GFOD2: variants seen among roughly 807,000 people sequenced by gnomAD.
GFOD2 encodes glucose-fructose oxidoreductase domain-containing protein 2.
A neutral mutation model predicts 24.6 loss-of-function variants in GFOD2; 9 were observed. That is an observed-to-expected ratio of 0.37 (90% CI 0.22 to 0.64). The LOEUF (loss-of-function observed/expected upper bound fraction) is 0.64. Ranked by LOEUF, GFOD2 falls within the 30% of genes least tolerant of loss-of-function variation. GFOD2 has a pLI of 0.65. For synonymous variants in GFOD2, 211 were observed against 224.8 expected (o/e 0.94, Z 0.55); for missense variants, 476 against 532.5 (o/e 0.89, Z 1.04).
chr16:67,674,935 T>A lies in GFOD2; in HGVS notation c.*220A>T. ...GAGGCCTGGCGGCAGCTCTGCCCTG[T>A]GCACACCGTGGTAACCTGGCAACAG... On this transcript the variant is annotated 3_prime_UTR_variant, in exon 3 of 3. Transcript: ENST00000268797. 1 of 585,996 alleles carries A rather than the reference T, an allele frequency of 1.7e-6. No homozygotes were observed. The highest frequency in any genetic ancestry group is 3.0e-6 in the Non-Finnish European group (1 of 331,460). The allele number at this position is 585,996 out of a possible 1,614,324, so 36.3% of individuals were successfully genotyped here.
At chr16:67,715,222 C>A (rs1302947025) in intron 1 of GFOD2, among the ~76,000 whole-genome samples, 1 of 152,156 alleles carries the variant, frequency 6.6e-6, no homozygotes. Flanking sequence ...TCACACCCAG[C>A]TAATTTTTTG....
chr16:67,718,424 T>A (rs1409889758), intron 1 of GFOD2, among the ~76,000 whole-genome samples: 1 of 152,234 alleles, frequency 6.6e-6, no homozygotes, highest in East Asian at 1.9e-4. Flanking sequence ...GTTCTTTAGA[T>A]CGTGCTGTAG....
intron 1 of GFOD2, among the ~76,000 whole-genome samples, chr16:67,709,747 T>C (rs368052242): frequency 2.0e-5 from 3 of 152,064 alleles, no homozygotes; most frequent in Non-Finnish European, 1.5e-5. Flanking sequence ...CCTGAGTAGC[T>C]AGGACCACAG....
chr16:67,718,108 C>T (rs1004870170), intron 1 of GFOD2, among the ~76,000 whole-genome samples: 5 of 152,190 alleles, frequency 3.3e-5, no homozygotes, highest in Non-Finnish European at 5.9e-5. Flanking sequence ...GCTTCCCCGA[C>T]TCAAAAACAA....
chr16:67,712,300 T>A (rs1162294445), intron 1 of GFOD2, among the ~76,000 whole-genome samples: 1 of 72,724 alleles, frequency 1.4e-5, no homozygotes, highest in South Asian at 6.2e-4. Flanking sequence ...CCCCTCCCCC[T>A]CTCCCTCTCC....
chr16:67,704,559 C>T (rs2053426858), intron 1 of GFOD2, among the ~76,000 whole-genome samples: 1 of 151,960 alleles, frequency 6.6e-6, no homozygotes, highest in Non-Finnish European at 1.5e-5. Flanking sequence ...ACAAAAAACC[C>T]CCACAGCTCA....
chr16:67,710,427 C>T (rs925750923), intron 1 of GFOD2, among the ~76,000 whole-genome samples: 20 of 152,068 alleles, frequency 1.3e-4, no homozygotes, highest in Non-Finnish European at 4.4e-5. Flanking sequence ...TGCAGTGGTG[C>T]GATCTCAGCT....
chr16:67,683,035 A>G (rs139162297), intron 2 of GFOD2: 1 of 286,228 alleles, frequency 3.5e-6, no homozygotes, highest in African/African-American at 2.3e-5. Flanking sequence ...ATCACTGCTC[A>G]CTGCAGCCTC....
intron 2 of GFOD2, chr16:67,680,986 T>C (rs2053221064): frequency 1.0e-6 from 1 of 985,354 alleles, no homozygotes; most frequent in African/African-American, 1.7e-5. Context: ...GCCAGGCCCT[T>C]GCACGGGGCC....
chr16:67,684,684 G>A (rs2053252842), intron 2 of GFOD2: 1 of 915,940 alleles, frequency 1.1e-6, no homozygotes, highest in Non-Finnish European at 1.3e-6. Context: ...CAACAAGAGG[G>A]AAACTCTGTC....
chr16:67,699,986 G>A (rs1300062824), intron 1 of GFOD2, among the ~76,000 whole-genome samples: 1 of 151,998 alleles, frequency 6.6e-6, no homozygotes, highest in African/African-American at 2.4e-5. Flanking sequence ...CAGGAGGGAG[G>A]AACACTTGAG....
At chr16:67,680,267 A>C (rs2053215339) in intron 2 of GFOD2, among the ~76,000 whole-genome samples, 1 of 152,212 alleles carries the variant, frequency 6.6e-6, no homozygotes, top group Non-Finnish European at 1.5e-5. Context: ...CAGGTGTGGC[A>C]GTGCACAGCT....
chr16:67,706,388 T>C (rs2053439572), intron 1 of GFOD2, among the ~76,000 whole-genome samples: 1 of 152,172 alleles, frequency 6.6e-6, no homozygotes, highest in Non-Finnish European at 1.5e-5. Flanking sequence ...TAATACTATC[T>C]TTACCCTGCA....
chr16:67,686,400 T>A (rs940603427), intron 1 of GFOD2, among the ~76,000 whole-genome samples: 2 of 152,252 alleles, frequency 1.3e-5, no homozygotes, highest in African/African-American at 4.8e-5. Flanking sequence ...AAATCTCTGT[T>A]CTGCTACTTA....
chr16:67,674,924 G>C lies in GFOD2; in HGVS notation c.*231C>G. 2 of 554,832 alleles carry C rather than the reference G, an allele frequency of 3.6e-6. No homozygotes were observed. The highest frequency in any genetic ancestry group is 6.4e-6 in the Non-Finnish European group (2 of 312,934). The allele number at this position is 554,832 out of a possible 1,614,324, so 34.4% of individuals were successfully genotyped here. A position where few individuals can be genotyped will look rare whatever the true frequency, so the allele number is the denominator to read the frequency against. On this transcript the variant is annotated 3_prime_UTR_variant, in exon 3 of 3. Coordinates refer to ENST00000268797, the MANE Select transcript of GFOD2 (RefSeq NM_030819.4). ...ATCACCATGAGGAGGCCTGGCGGCAGCTCTGCCCTGTGCACACCGTGGTAA... is the reference window on the plus strand; with the variant it reads ...ATCACCATGAGGAGGCCTGGCGGCACCTCTGCCCTGTGCACACCGTGGTAA...
Position 67,675,753 on chromosome 16 carries a change from G to A in GFOD2, c.560C>T (p.Thr187Ile), listed in dbSNP as rs2053180133. Residue 187 changes from threonine (T) to isoleucine (I), a missense_variant, in exon 3 of 3, where the codon ACC becomes ATC. Thr to Ile is a moderately conservative substitution (Grantham distance 89). Transcript: ENST00000268797. ...CTCGGCTCTCCGGCCGGTCAGGTGG[G>A]TCAGCAGGTCCACAATGTAGGTCCC... is the stretch of plus-strand genomic sequence containing the variant. The part of the protein sequence containing the change: ...TMGTYIVDLL[T>I]HLTGRRAEKV... 2 of 1,614,136 alleles carry A rather than the reference G, an allele frequency of 1.2e-6. No individual in the cohort carries two copies. Among genetic ancestry groups the A allele is most frequent in the Non-Finnish European group, 1.7e-6 (2 of 1,180,030 alleles).
At chr16:67,696,248 C>T (rs570283082) in intron 1 of GFOD2, among the ~76,000 whole-genome samples, 5 of 150,704 alleles carry the variant, frequency 3.3e-5, no homozygotes, top group African/African-American at 4.9e-5. Context: ...CTCTTGACCT[C>T]GTGATCTGCC....
chr16:67,708,956 G>A (rs2142997306), intron 1 of GFOD2, among the ~76,000 whole-genome samples: 1 of 152,268 alleles, frequency 6.6e-6, no homozygotes, highest in East Asian at 1.9e-4. Context: ...GGGGCCAGAG[G>A]TGAGGGTCAC....
intron 1 of GFOD2, among the ~76,000 whole-genome samples, chr16:67,689,127 C>T (rs559106423): frequency 2.0e-5 from 3 of 151,598 alleles, no homozygotes; most frequent in Admixed American, 1.3e-4. Flanking sequence ...GCAACCTCCC[C>T]CTCCTGGTTT....
Sources: allele counts gnomAD v4.1 joint callset (sites outside exome capture counted in the v4.1 genomes callset), GRCh38; gene constraint gnomAD v4.1.1; transcripts MANE v1.5; gene names NCBI Gene and HGNC (gene_info 2026-07-23, HGNC 2026-07-21).